Variants in SUFU observed in about 807,000 individuals in gnomAD.
SUFU encodes the protein SUFU negative regulator of hedgehog signaling, also known as suppressor of fused homolog.
In SUFU, 7 loss-of-function variants were observed where a neutral mutation model predicts 58.9. The ratio of observed to expected loss-of-function variants is 0.12; its 90% CI spans 0.07 to 0.22. The LOEUF is 0.22. Ranked by LOEUF, SUFU falls within the 10% of genes least tolerant of loss-of-function variation. SUFU has a pLI of 1.00. For missense variants in SUFU, 451 were observed against 641.3 expected, an observed-to-expected ratio of 0.70 and a Z score of 3.20; for synonymous variants, 232 against 254.8, an observed-to-expected ratio of 0.91 and a Z score of 0.85.
At chr10:102,567,613 A>C (rs2063104909) in intron 3 of SUFU, among the ~76,000 whole-genome samples, 1 of 152,236 alleles carries the variant, frequency 6.6e-6, no homozygotes. Context: ...CTCTCTGGAC[A>C]GATGACAGTT....
At chr10:102,610,270 A>G (rs139379671) in intron 8 of SUFU, among the ~76,000 whole-genome samples, 2,091 of 151,562 alleles carry the variant, frequency 0.014, 27 homozygotes, top group Non-Finnish European at 0.023. Flanking sequence ...GTGGGCACCT[A>G]TAATCCTAGC....
chr10:102,626,442 G>A (rs145613926), intron 10 of SUFU, among the ~76,000 whole-genome samples: 2 of 152,324 alleles, frequency 1.3e-5, no homozygotes, highest in African/African-American at 4.8e-5. Context: ...AGGCAATGAG[G>A]TGTCAGACTA....
chr10:102,559,642 T>C (rs1190983933), intron 3 of SUFU, among the ~76,000 whole-genome samples: 1 of 152,152 alleles, frequency 6.6e-6, no homozygotes, highest in African/African-American at 2.4e-5. Context: ...TCCCCTTTCA[T>C]TTTACGATCA....
intron 2 of SUFU, among the ~76,000 whole-genome samples, chr10:102,513,536 A>G (rs2062426884): frequency 6.6e-6 from 1 of 152,238 alleles, no homozygotes; most frequent in Non-Finnish European, 1.5e-5. Flanking sequence ...GGGGAGATAA[A>G]CATGTAAAGA....
In SUFU at chr10:102,615,768, G is replaced by C. The variant is rs532908379; in HGVS notation, c.1157+366G>C. On this transcript the variant is annotated intron_variant, in intron 9 of 11. Coordinates refer to ENST00000369902, the MANE Select transcript of SUFU (RefSeq NM_016169.4). ...AGAAGTCTGCCATGCTTCCTAGAGC[G>C]GGGCTCTCTTATCTGCATCTCCTGT... 8.5e-5 allele frequency among the ~76,000 whole-genome samples: 13 copies of C among 152,274 alleles called. No homozygotes were observed. The East Asian group carries it at 2.5e-3, about 29-fold the overall frequency.
chr10:102,626,149 A>G (rs990350060), intron 10 of SUFU, among the ~76,000 whole-genome samples: 2 of 151,606 alleles, frequency 1.3e-5, no homozygotes, highest in African/African-American at 4.9e-5. Context: ...GGACAAGGAC[A>G]GGGAGGGGGA....
At chr10:102,571,985 T>C (rs2063166517) in intron 3 of SUFU, among the ~76,000 whole-genome samples, 1 of 152,192 alleles carries the variant, frequency 6.6e-6, no homozygotes, top group Non-Finnish European at 1.5e-5. Context: ...AAAGCAGCAA[T>C]GGAGGAAGAG....
chr10:102,573,685 G>A (rs1012007854), intron 3 of SUFU, among the ~76,000 whole-genome samples: 6 of 152,188 alleles, frequency 3.9e-5, no homozygotes, highest in Non-Finnish European at 8.8e-5. Context: ...GCTACAACAT[G>A]GATGAACCCA....
intron 3 of SUFU, chr10:102,590,933 C>T (rs1196800990): frequency 1.3e-5 from 2 of 152,302 alleles, no homozygotes; most frequent in East Asian, 3.9e-4. Context: ...GCTGTGCCTT[C>T]TCCTCTCCCC....
At chr10:102,615,870 T>C (rs1237168250) in intron 9 of SUFU, among the ~76,000 whole-genome samples, 1 of 152,154 alleles carries the variant, frequency 6.6e-6, no homozygotes, top group East Asian at 1.9e-4. Flanking sequence ...TATTGCTTGT[T>C]TGACAGACCT....
At position 102,550,121 on chromosome 10, in the gene SUFU, C is replaced by T; in HGVS notation, c.454+15C>T. On this transcript the variant is annotated intron_variant, in intron 3 of 11. Coordinates refer to ENST00000369902, the MANE Select transcript of SUFU (RefSeq NM_016169.4). ...GTTCCAGTCAGGTAGGAGGCCAGGG[C>T]TGGCTGCTGTGCTGGTCCTTTTGCC... The T allele has an allele frequency of 1.2e-6, 2 of 1,614,078 alleles. No individual in the cohort carries two copies. Among genetic ancestry groups the T allele is most frequent in the East Asian group, 4.5e-5 (2 of 44,876 alleles).
chr10:102,608,709 G>A (rs778849575), intron 8 of SUFU, among the ~76,000 whole-genome samples: 2 of 152,158 alleles, frequency 1.3e-5, no homozygotes, highest in East Asian at 1.9e-4. Context: ...TCCCCACAGC[G>A]TTTTAGGGGA....
intron 4 of SUFU, 82 bp downstream of exon 4, chr10:102,592,806 G>T: frequency 6.5e-7 from 1 of 1,529,714 alleles, no homozygotes; most frequent in Non-Finnish European, 9.0e-7. Flanking sequence ...GAGGGGGAGT[G>T]AAGGGAGTGG....
At chr10:102,522,147 C>T (rs1000056362) in intron 2 of SUFU, among the ~76,000 whole-genome samples, 2 of 152,216 alleles carry the variant, frequency 1.3e-5, no homozygotes, top group Non-Finnish European at 2.9e-5. Flanking sequence ...TTTCTAGATT[C>T]TGAAAACAGC....
chr10:102,552,315 C>A (rs549036149), intron 3 of SUFU, among the ~76,000 whole-genome samples: 112 of 151,332 alleles, frequency 7.4e-4, no homozygotes, highest in African/African-American at 2.7e-3. Context: ...TGCCTATAGT[C>A]CCAGCTACTT....
At chr10:102,544,481 A>G (rs936801023) in intron 2 of SUFU, among the ~76,000 whole-genome samples, 15 of 152,184 alleles carry the variant, frequency 9.9e-5, no homozygotes, top group African/African-American at 2.2e-4. Context: ...CGGGCAGATC[A>G]CTTGAGATCA....
chr10:102,504,361 A>G, intron 1 of SUFU, 27 bp downstream of exon 1: 1 of 1,613,574 alleles, frequency 6.2e-7, no homozygotes, highest in Non-Finnish European at 8.5e-7. Context: ...GGGGAGACGG[A>G]CAGGCGCGGG....
At chr10:102,561,014 T>G (rs1411485027) in intron 3 of SUFU, among the ~76,000 whole-genome samples, 7 of 152,130 alleles carry the variant, frequency 4.6e-5, no homozygotes. Context: ...CGGCTAATTT[T>G]GTATTTTTAG....
intron 8 of SUFU, among the ~76,000 whole-genome samples, chr10:102,608,475 G>A (rs2063585980): frequency 6.6e-6 from 1 of 152,232 alleles, no homozygotes; most frequent in African/African-American, 2.4e-5. Context: ...AAGCCCAGGG[G>A]AACTTCAGCT....
Sources: allele counts gnomAD v4.1 joint callset (sites outside exome capture counted in the v4.1 genomes callset), GRCh38; gene constraint gnomAD v4.1.1; transcripts MANE v1.5; gene names NCBI Gene and HGNC (gene_info 2026-07-23, HGNC 2026-07-21).